The following AMZ1 variants were observed in gnomAD, a reference collection of about 807,000 sequenced individuals.
AMZ1 encodes the protein archaemetzincin-1.
In AMZ1, 39 loss-of-function variants were observed where a neutral mutation model predicts 29.9. The observed-to-expected ratio is 1.30, with a 90% CI of 1.01 to 1.70. AMZ1 has a LOEUF of 1.70. AMZ1 is among the 40% of genes most tolerant of loss of function. The pLI is 0.00. For missense variants in AMZ1, 1,041 were observed against 680.6 expected (o/e 1.53, Z -5.89); for synonymous variants, 458 against 304.0 (o/e 1.51, Z -5.27).
intron 1 of AMZ1, among the ~76,000 whole-genome samples, chr7:2,699,428 G>C (rs1263001155): frequency 1.3e-5 from 2 of 152,184 alleles, no homozygotes; most frequent in African/African-American, 4.8e-5. Context: ...GTTTCTAGCT[G>C]GTGGGGTTTG....
intron 3 of AMZ1, among the ~76,000 whole-genome samples, chr7:2,707,034 G>C (rs1219710905): frequency 6.6e-6 from 1 of 152,140 alleles, no homozygotes; most frequent in African/African-American, 2.4e-5. Flanking sequence ...CAGCACTTTG[G>C]GAGACCGAGG....
chr7:2,685,844 C>G (rs1051914101), upstream of AMZ1, among the ~76,000 whole-genome samples: 21 of 136,498 alleles, frequency 1.5e-4, no homozygotes, highest in African/African-American at 5.8e-4. Flanking sequence ...CAGAGCGAGA[C>G]TCCGTCTCAA....
chr7:2,758,044 G>T (rs1265186211), intron 4 of AMZ1, among the ~76,000 whole-genome samples: 1 of 152,134 alleles, frequency 6.6e-6, no homozygotes, highest in Admixed American at 6.5e-5. Flanking sequence ...CTCTTGCTTG[G>T]GGATGAGTCA....
intron 1 of AMZ1, among the ~76,000 whole-genome samples, chr7:2,681,556 C>T (rs549867999): frequency 6.1e-4 from 93 of 152,306 alleles, no homozygotes; most frequent in African/African-American, 2.2e-3. Context: ...CCACGGTGCC[C>T]AGCCAAGCCT....
At chr7:2,703,470 A>G (rs1358635914) in intron 3 of AMZ1, among the ~76,000 whole-genome samples, 1 of 151,838 alleles carries the variant, frequency 6.6e-6, no homozygotes, top group African/African-American at 2.4e-5. Context: ...GCCACTCAGC[A>G]TGGCTCCAAC....
rs961235632 is a variant in AMZ1, at chr7:2,714,203, T to C, written c.*1325T>C. The C allele has an allele frequency of 6.6e-6, 1 of 152,362 alleles. No homozygotes were observed. The highest frequency in any genetic ancestry group is 2.4e-5 in the African/African-American group (1 of 41,434). The allele number at this position is 152,362 out of a possible 1,614,324, so 9.4% of individuals were successfully genotyped here. The stretch of plus-strand genomic sequence containing the variant: ...CGGGGTCACAGCTCGCGCACCCTCA[T>C]CTGGAGAGAGGCAAGAACAGGGCAG... On this transcript the variant is annotated 3_prime_UTR_variant, in exon 7 of 7. Transcript: ENST00000683327.
rs780838183 is a variant in AMZ1, at chr7:2,712,468, A to G, written c.1087A>G (p.Ser363Gly). The G allele has an allele frequency of 3.1e-6, 5 of 1,610,872 alleles. No individual in the cohort carries two copies. Among genetic ancestry groups the G allele is most frequent in the South Asian group, 1.1e-5 (1 of 90,956 alleles). Reference sequence around the variant, plus strand: ...TGAGAGTGACTCGGAGCCCGGCACCAGTGTGTCGGAGCCCCTCACCCCTGA... The same window carrying G: ...TGAGAGTGACTCGGAGCCCGGCACCGGTGTGTCGGAGCCCCTCACCCCTGA... ...CCESDSEPGT[S>G]VSEPLTPDAG... Residue 363 changes from serine to glycine, a missense_variant, in exon 7 of 7, where the codon AGT becomes GGT. Transcript: ENST00000683327.
upstream of AMZ1, among the ~76,000 whole-genome samples, chr7:2,686,142 C>T (rs535773940): frequency 9.8e-5 from 15 of 152,334 alleles, no homozygotes; most frequent in Admixed American, 8.5e-4. Flanking sequence ...CGGAGTCCAG[C>T]GCAGACCATC....
At chr7:2,759,274 C>T (rs1275249070) in intron 4 of AMZ1, among the ~76,000 whole-genome samples, 3 of 152,136 alleles carry the variant, frequency 2.0e-5, no homozygotes, top group African/African-American at 7.2e-5. Flanking sequence ...TCCTTATTTA[C>T]ATGAAGTTAA....
intron 1 of AMZ1, among the ~76,000 whole-genome samples, chr7:2,692,383 CA>C (rs1177128072): frequency 2.0e-5 from 3 of 150,872 alleles, no homozygotes; most frequent in East Asian, 1.9e-4. Context: ...ACTAAAAATA[CA>C]AAAAAAAATT....
chr7:2,725,935 C>T (rs937468012), intron 4 of AMZ1, among the ~76,000 whole-genome samples: 6 of 116,624 alleles, frequency 5.1e-5, no homozygotes, highest in African/African-American at 1.9e-4. Flanking sequence ...GTCCCCCCAC[C>T]GACTCTCAGG....
At chr7:2,734,647 G>C (rs1013324204) in intron 4 of AMZ1, among the ~76,000 whole-genome samples, 7 of 152,252 alleles carry the variant, frequency 4.6e-5, no homozygotes, top group Non-Finnish European at 7.3e-5. Context: ...GGAGAAAGCA[G>C]AGAGGAAGCT....
intron 4 of AMZ1, chr7:2,730,592 G>C (rs1441832816): frequency 6.5e-6 from 1 of 152,690 alleles, no homozygotes; most frequent in South Asian, 2.1e-4. Flanking sequence ...AAATCGGCAC[G>C]GGAGTTTGAA....
rs1284133158 is a variant in AMZ1, at chr7:2,717,998, C to T, written c.*5120C>T. Among the ~76,000 whole-genome samples, 3 of 152,312 alleles carry T rather than the reference C, an allele frequency of 2.0e-5. No individual in the cohort carries two copies. Among genetic ancestry groups the T allele is most frequent in the African/African-American group, 2.4e-5 (1 of 41,582 alleles). On this transcript the variant is annotated 3_prime_UTR_variant, in exon 7 of 7. Coordinates refer to ENST00000683327, the MANE Select transcript of AMZ1 (RefSeq NM_001384743.1). ...CAAACACGGCGGCCCCTGCCTCCCC[C>T]GGCGGCTCCACAATGGCCCTCAGAG...
At chr7:2,704,431 T>G (rs1182592002) in intron 3 of AMZ1, among the ~76,000 whole-genome samples, 2 of 152,014 alleles carry the variant, frequency 1.3e-5, no homozygotes, top group Admixed American at 1.3e-4. Context: ...TGAGCTGTGA[T>G]CGTGCTACTG....
chr7:2,745,945 C>A (rs370745154), intron 4 of AMZ1, among the ~76,000 whole-genome samples: 1 of 151,828 alleles, frequency 6.6e-6, no homozygotes, highest in East Asian at 1.9e-4. Context: ...AATGGTAAAG[C>A]GATCAATTCA....
At chr7:2,684,109 C>G (rs746916952), upstream of AMZ1, among the ~76,000 whole-genome samples, 1 of 151,834 alleles carries the variant, frequency 6.6e-6, no homozygotes, top group Non-Finnish European at 1.5e-5. Context: ...ACCTGGGAGG[C>G]AGAGGTTGCA....
At chr7:2,711,957 G>A (rs182034325) in intron 6 of AMZ1, among the ~76,000 whole-genome samples, 1,582 of 152,266 alleles carry the variant, frequency 0.01, 26 homozygotes, top group African/African-American at 0.035. Context: ...CAACGCAGGA[G>A]AATTGCTTGA....
chr7:2,738,469 C>G (rs1790327447), intron 4 of AMZ1, among the ~76,000 whole-genome samples: 2 of 152,134 alleles, frequency 1.3e-5, no homozygotes, highest in Admixed American at 1.3e-4. Context: ...TTTCCGATAC[C>G]CACTGCCAAA....
Sources: allele counts gnomAD v4.1 joint callset (sites outside exome capture counted in the v4.1 genomes callset), GRCh38; gene constraint gnomAD v4.1.1; transcripts MANE v1.5; gene names NCBI Gene and HGNC (gene_info 2026-07-23, HGNC 2026-07-21).